The following LY96 variants were observed in gnomAD, a reference collection of about 807,000 sequenced individuals.
LY96 encodes lymphocyte antigen 96.
LY96 carries 18 observed loss-of-function variants against 18.9 expected under a neutral mutation model. That is an observed-to-expected ratio of 0.95 (90% CI 0.66 to 1.41). The LOEUF is 1.41. Among genes scored for constraint, LY96 ranks in the 40% most tolerant of loss-of-function variants. The pLI, the probability that LY96 is intolerant of heterozygous loss-of-function variation, is 0.00. For synonymous variants in LY96, 66 were observed against 62.6 expected, an observed-to-expected ratio of 1.06 and a Z score of -0.26; for missense variants, 175 against 182.4, an observed-to-expected ratio of 0.96 and a Z score of 0.23.
chr8:74,003,486 A>C (rs1312847349), intron 1 of LY96, among the ~76,000 whole-genome samples: 1 of 152,232 alleles, frequency 6.6e-6, no homozygotes, highest in African/African-American at 2.4e-5. Context: ...TTTTGCTCAA[A>C]AGAGCCTTGC....
intron 2 of LY96, among the ~76,000 whole-genome samples, chr8:74,008,619 G>C (rs145843246): frequency 0.011 from 1,682 of 152,294 alleles, 20 homozygotes; most frequent in African/African-American, 0.029. Context: ...CTGGGACTGG[G>C]AATTCTAGTG....
chr8:74,025,779 G>A (rs1433228192), intron 3 of LY96, among the ~76,000 whole-genome samples: 1 of 151,994 alleles, frequency 6.6e-6, no homozygotes, highest in African/African-American at 2.4e-5. Context: ...AGGCCAAGGC[G>A]GGCAGATCGC....
chr8:74,019,758 G>A (rs1208360956), intron 3 of LY96, among the ~76,000 whole-genome samples: 1 of 152,144 alleles, frequency 6.6e-6, no homozygotes, highest in Non-Finnish European at 1.5e-5. Flanking sequence ...ATGCAAGGCT[G>A]GTTCAGCATA....
chr8:73,996,933 C>T (rs541895164), intron 1 of LY96, among the ~76,000 whole-genome samples: 32 of 151,950 alleles, frequency 2.1e-4, no homozygotes, highest in Non-Finnish European at 4.3e-4. Context: ...TTAGTAGAGA[C>T]GGGGTTTCAC....
the LY96 span, among the ~76,000 whole-genome samples, chr8:74,087,609 C>T: frequency 6.6e-6 from 1 of 152,166 alleles, no homozygotes; most frequent in Non-Finnish European, 1.5e-5. Context: ...CCGTAAAGGG[C>T]CTCAAACATG....
At chr8:74,066,311 C>T in the LY96 span, among the ~76,000 whole-genome samples, 7,081 of 152,082 alleles carry the variant, frequency 0.047, 412 homozygotes, top group African/African-American at 0.13. Context: ...GACCTACTCA[C>T]CTCCTGAAGA....
the LY96 span, among the ~76,000 whole-genome samples, chr8:74,044,788 A>G: frequency 1.3e-5 from 2 of 152,202 alleles, no homozygotes; most frequent in African/African-American, 2.4e-5. Flanking sequence ...CCTACTTTCA[A>G]TGCAAAGAAG....
At chr8:74,032,372 G>T (rs145204313), downstream of LY96, among the ~76,000 whole-genome samples, 4 of 152,320 alleles carry the variant, frequency 2.6e-5, no homozygotes, top group East Asian at 7.7e-4. Flanking sequence ...CAGACAGCCC[G>T]GCGTGCTGCG....
At chr8:74,089,695 C>T in the LY96 span, among the ~76,000 whole-genome samples, 1 of 131,070 alleles carries the variant, frequency 7.6e-6, no homozygotes, top group South Asian at 2.3e-4. Flanking sequence ...GACAGATGAA[C>T]AGGCGAGTGC....
chr8:74,053,945 GC>G, the LY96 span, among the ~76,000 whole-genome samples: 1 of 152,300 alleles, frequency 6.6e-6, no homozygotes, highest in South Asian at 2.1e-4. Context: ...CAGCAAGAAG[GC>G]CCTCACCAGA....
At chr8:74,081,268 T>C in the LY96 span, among the ~76,000 whole-genome samples, 1 of 149,878 alleles carries the variant, frequency 6.7e-6, no homozygotes, top group African/African-American at 2.5e-5. Flanking sequence ...CTCCTTCTTT[T>C]TTTTTGAGAC....
the LY96 span, among the ~76,000 whole-genome samples, chr8:74,061,997 A>T: frequency 2.6e-5 from 4 of 152,202 alleles, no homozygotes; most frequent in Non-Finnish European, 4.4e-5. Flanking sequence ...CTTTTTGGTA[A>T]ATTATTGCAA....
At chr8:74,085,637 C>A in the LY96 span, among the ~76,000 whole-genome samples, 2 of 152,332 alleles carry the variant, frequency 1.3e-5, no homozygotes, top group Admixed American at 1.3e-4. Flanking sequence ...GTCACACTGG[C>A]CTTTTTCCTG....
At chr8:74,091,342 A>G in the LY96 span, among the ~76,000 whole-genome samples, 88 of 152,322 alleles carry the variant, frequency 5.8e-4, no homozygotes, top group South Asian at 1.0e-3. Context: ...TTTCTTGTCC[A>G]GTGCCCAACT....
the LY96 span, among the ~76,000 whole-genome samples, chr8:74,062,196 G>C: frequency 6.6e-6 from 1 of 152,188 alleles, no homozygotes; most frequent in South Asian, 2.1e-4. Context: ...TCTCTCAGAT[G>C]TACTGGTGGC....
the LY96 span, among the ~76,000 whole-genome samples, chr8:74,068,061 CAAAAAAAAAAAAAAAAAAA>C: frequency 5.5e-5 from 2 of 36,204 alleles, no homozygotes; most frequent in Admixed American, 4.4e-4. Flanking sequence ...AACTCTGTCT[CAAAAAAAAAAAAAAAAAAA>C]AAAAAAAAAA....
the LY96 span, among the ~76,000 whole-genome samples, chr8:74,079,314 ATC>A: frequency 3.3e-5 from 5 of 152,098 alleles, no homozygotes; most frequent in South Asian, 1.0e-3. Flanking sequence ...AGCCTCCATA[ATC>A]TCATGGACCA....
the LY96 span, among the ~76,000 whole-genome samples, chr8:74,096,269 G>T: frequency 6.6e-6 from 1 of 151,924 alleles, no homozygotes; most frequent in Non-Finnish European, 1.5e-5. Context: ...GTAGACCAAG[G>T]CCCTCATTAA....
chr8:74,033,603 A>C (rs955311310), downstream of LY96, among the ~76,000 whole-genome samples: 3 of 152,220 alleles, frequency 2.0e-5, no homozygotes, highest in African/African-American at 7.2e-5. Context: ...GCAGTGCCTG[A>C]TAGACAGCTC....
Sources: allele counts gnomAD v4.1 joint callset (sites outside exome capture counted in the v4.1 genomes callset), GRCh38; gene constraint gnomAD v4.1.1; transcripts MANE v1.5; gene names NCBI Gene and HGNC (gene_info 2026-07-23, HGNC 2026-07-21).